Variants in LINC00305 observed in about 807,000 individuals in gnomAD.
LINC00305 encodes long independently transcribed non-coding RNA 305, also known as long intergenic non-protein coding RNA 305.
At chr18:64,120,512 C>T (rs1016069719) in intron 1 of LINC00305, among the ~76,000 whole-genome samples, 5 of 151,482 alleles carry the variant, frequency 3.3e-5, no homozygotes, top group Admixed American at 2.6e-4. Context: ...ACATATTAGT[C>T]GTCGAAATTG....
chr18:64,094,268 G>A (rs2051236327), intron 3 of LINC00305, among the ~76,000 whole-genome samples: 1 of 152,218 alleles, frequency 6.6e-6, no homozygotes, highest in Non-Finnish European at 1.5e-5. Flanking sequence ...ACAATTGAAG[G>A]AAAACACTGA....
At chr18:64,088,305 C>G (rs2144893661) in intron 3 of LINC00305, among the ~76,000 whole-genome samples, 1 of 152,306 alleles carries the variant, frequency 6.6e-6, no homozygotes, top group South Asian at 2.1e-4. Flanking sequence ...AATAATTCTT[C>G]TGTTTCCATC....
At chr18:64,124,541 T>A (rs1026847946) in intron 1 of LINC00305, among the ~76,000 whole-genome samples, 1 of 152,154 alleles carries the variant, frequency 6.6e-6, no homozygotes, top group Admixed American at 6.6e-5. Context: ...AAAAAATGAA[T>A]TGAGGCCAAA....
At chr18:64,123,802 A>G (rs2051372757) in intron 1 of LINC00305, among the ~76,000 whole-genome samples, 1 of 151,994 alleles carries the variant, frequency 6.6e-6, no homozygotes, top group African/African-American at 2.4e-5. Flanking sequence ...TGGGTGGATT[A>G]ATTATGAAAA....
chr18:64,114,920 A>T (rs2051331185), intron 1 of LINC00305, among the ~76,000 whole-genome samples: 1 of 152,184 alleles, frequency 6.6e-6, no homozygotes. Context: ...AAACGAAAAT[A>T]TACATAAAGA....
intron 1 of LINC00305, among the ~76,000 whole-genome samples, chr18:64,140,389 A>C (rs1049967248): frequency 6.6e-6 from 1 of 151,958 alleles, no homozygotes; most frequent in Non-Finnish European, 1.5e-5. Flanking sequence ...TTGTGTTTTT[A>C]GTTGAGACAG....
chr18:64,086,038 G>T (rs1262713883), intron 3 of LINC00305, among the ~76,000 whole-genome samples: 1 of 152,132 alleles, frequency 6.6e-6, no homozygotes, highest in Non-Finnish European at 1.5e-5. Context: ...TATGCTTTTT[G>T]TTGATTGGTA....
intron 1 of LINC00305, among the ~76,000 whole-genome samples, chr18:64,102,221 A>T (rs1765685814): frequency 6.6e-6 from 1 of 152,228 alleles, no homozygotes; most frequent in Non-Finnish European, 1.5e-5. Flanking sequence ...AAGGTCTGTC[A>T]GTTATTCTCC....
chr18:64,116,924 A>G (rs769338601), intron 1 of LINC00305, among the ~76,000 whole-genome samples: 1 of 152,172 alleles, frequency 6.6e-6, no homozygotes, highest in African/African-American at 2.4e-5. Flanking sequence ...TGCTAAAACC[A>G]CAAACCTCAC....
At chr18:64,112,970 T>C (rs1331482408) in intron 1 of LINC00305, among the ~76,000 whole-genome samples, 2 of 152,248 alleles carry the variant, frequency 1.3e-5, no homozygotes, top group Non-Finnish European at 2.9e-5. Context: ...TACTGAGAGC[T>C]ATCATGACAA....
chr18:64,104,964 CT>C (rs917339782), intron 1 of LINC00305, among the ~76,000 whole-genome samples: 7 of 151,950 alleles, frequency 4.6e-5, no homozygotes, highest in African/African-American at 1.7e-4. Context: ...CACTCTCCCC[CT>C]GCTTCTCCAG....
intron 1 of LINC00305, among the ~76,000 whole-genome samples, chr18:64,137,713 G>A (rs750782758): frequency 6.6e-6 from 1 of 152,042 alleles, no homozygotes; most frequent in Non-Finnish European, 1.5e-5. Context: ...TTATATCTAT[G>A]AGTTGTCAGA....
intron 1 of LINC00305, among the ~76,000 whole-genome samples, chr18:64,123,322 A>T (rs919608580): frequency 6.6e-6 from 1 of 151,996 alleles, no homozygotes; most frequent in African/African-American, 2.4e-5. Flanking sequence ...CAAATATGCC[A>T]CTCTACTTCC....
intron 1 of LINC00305, among the ~76,000 whole-genome samples, chr18:64,141,052 TAAA>T (rs34175314): frequency 0.14 from 13,433 of 96,342 alleles, 550 homozygotes; most frequent in South Asian, 0.21. Context: ...GCCTGAATGA[TAAA>T]AAAAAAAAAA....
At chr18:64,138,314 G>C (rs1483878057) in intron 1 of LINC00305, among the ~76,000 whole-genome samples, 2 of 152,134 alleles carry the variant, frequency 1.3e-5, no homozygotes, top group Non-Finnish European at 2.9e-5. Context: ...TAGTCTTTCT[G>C]TCTGCCTACT....
rs532478243 is a variant in LINC00305 at position 64,119,163 on chromosome 18, A to C, written n.315-20523T>G. Reference sequence around the variant, plus strand: ...AAGACAATACATGTGACTCCAGTAGAATTCAGGGAAAGATGTAGACTCCTG... The same window carrying C: ...AAGACAATACATGTGACTCCAGTAGCATTCAGGGAAAGATGTAGACTCCTG... On this transcript the variant is annotated intron_variant and non_coding_transcript_variant, in intron 1 of 3. Coordinates refer to ENST00000666468, the Ensembl canonical transcript of LINC00305. Among the ~76,000 whole-genome samples, 5 of 152,264 alleles carry C rather than the reference A, an allele frequency of 3.3e-5. No homozygotes were observed. In the East Asian group the frequency reaches 9.7e-4, roughly 29 times the overall value.
intron 1 of LINC00305, among the ~76,000 whole-genome samples, chr18:64,115,419 T>G (rs945902142): frequency 6.6e-6 from 1 of 152,030 alleles, no homozygotes; most frequent in South Asian, 2.1e-4. Flanking sequence ...CTGAGGACTT[T>G]GCAAAGAAGG....
intron 3 of LINC00305, among the ~76,000 whole-genome samples, chr18:64,094,883 ATAAT>A (rs2144897831): frequency 6.6e-6 from 1 of 150,862 alleles, no homozygotes; most frequent in Admixed American, 6.6e-5. Context: ...AAATAAATAA[ATAAT>A]AAAATAAAAT....
chr18:64,144,791 C>T (rs768410411), intron 1 of LINC00305, among the ~76,000 whole-genome samples: 8 of 152,178 alleles, frequency 5.3e-5, no homozygotes, highest in South Asian at 2.1e-4. Context: ...ACTGCCAGAA[C>T]GAGCCAGCAG....
Sources: allele counts gnomAD v4.1 joint callset (sites outside exome capture counted in the v4.1 genomes callset), GRCh38; gene constraint gnomAD v4.1.1; transcripts MANE v1.5; gene names NCBI Gene and HGNC (gene_info 2026-07-23, HGNC 2026-07-21).